Variants in FZD3 observed in about 807,000 individuals in gnomAD.
The protein encoded by FZD3 is frizzled-3.
In FZD3, 30 loss-of-function variants were observed where a neutral mutation model predicts 60.7. The ratio of observed to expected loss-of-function variants is 0.49; its 90% CI spans 0.37 to 0.67. The LOEUF (loss-of-function observed/expected upper bound fraction) is 0.67, where lower values mean the gene tolerates loss of function less well. FZD3 is among the 30% of genes least tolerant of loss of function. The pLI, the probability that FZD3 is intolerant of heterozygous loss-of-function variation, is 0.00. For synonymous variants in FZD3, 246 were observed against 275.2 expected, an observed-to-expected ratio of 0.89 and a Z score of 1.05; for missense variants, 605 against 838.7, an observed-to-expected ratio of 0.72 and a Z score of 3.44.
chr8:28,543,178 T>A (rs1014742554), intron 5 of FZD3, among the ~76,000 whole-genome samples: 1 of 152,258 alleles, frequency 6.6e-6, no homozygotes, highest in South Asian at 2.1e-4. Context: ...CTTTATCTTT[T>A]TTCATTACAA....
At chr8:28,562,771 C>T in intron 7 of FZD3, 27 bp from the exon 8 acceptor site, 2 of 1,305,258 alleles carry the variant, frequency 1.5e-6, no homozygotes, top group Non-Finnish European at 2.2e-6. Flanking sequence ...GTTCTGTTAC[C>T]CACTTCAAAA....
At position 28,563,189 on chromosome 8, in the gene FZD3, G is replaced by T; in HGVS notation, c.*178G>T. On this transcript the variant is annotated 3_prime_UTR_variant, in exon 8 of 8. Transcript: ENST00000240093. The stretch of plus-strand genomic sequence containing the variant: ...ATTGCATCAAACTTGGAACATCAAG[G>T]CATCCAAAACACTAAGAATTCTATC... 1 of 578,892 alleles carries T rather than the reference G, an allele frequency of 1.7e-6. No homozygotes were observed. The highest frequency in any genetic ancestry group is 1.9e-5 in the African/African-American group (1 of 53,506). The allele number at this position is 578,892 out of a possible 1,614,324, so 35.9% of individuals were successfully genotyped here.
At chr8:28,550,481 C>CTTTTTTTTTTTTTTTT (rs386412443) in intron 5 of FZD3, among the ~76,000 whole-genome samples, 30 of 34,346 alleles carry the variant, frequency 8.7e-4, no homozygotes, top group East Asian at 1.2e-3. Context: ...CTTCTTTTAT[C>CTTTTTTTTTTTTTTTT]TTTTTTTTTT....
At chr8:28,498,283 C>G (rs567378600) in intron 1 of FZD3, among the ~76,000 whole-genome samples, 28 of 152,196 alleles carry the variant, frequency 1.8e-4, no homozygotes, top group Non-Finnish European at 2.6e-4. Flanking sequence ...TAGGTCCCCC[C>G]CCTTTTTTTT....
chr8:28,531,174 G>A (rs1563394928), intron 5 of FZD3, among the ~76,000 whole-genome samples: 1 of 150,166 alleles, frequency 6.7e-6, no homozygotes, highest in South Asian at 2.1e-4. Flanking sequence ...TCATAAATAC[G>A]GTATTTTTCA....
chr8:28,551,563 T>C, intron 5 of FZD3, 40 bp from the exon 6 acceptor site: 1 of 1,441,932 alleles, frequency 6.9e-7, no homozygotes, highest in South Asian at 1.2e-5. Context: ...TAGAAAGTTA[T>C]TTTTATATAT....
intron 5 of FZD3, among the ~76,000 whole-genome samples, chr8:28,531,285 AT>A (rs1223581275): frequency 2.0e-5 from 3 of 152,264 alleles, no homozygotes; most frequent in African/African-American, 4.8e-5. Flanking sequence ...TCTGTAGCTC[AT>A]TTTTTAACTC....
At chr8:28,528,971 G>C (rs1356671156) in intron 5 of FZD3, among the ~76,000 whole-genome samples, 4 of 152,092 alleles carry the variant, frequency 2.6e-5, no homozygotes, top group African/African-American at 9.7e-5. Context: ...CTAGAATGCA[G>C]TGGCATGATC....
At chr8:28,541,719 A>G (rs151128102) in intron 5 of FZD3, among the ~76,000 whole-genome samples, 27 of 152,322 alleles carry the variant, frequency 1.8e-4, no homozygotes, top group African/African-American at 5.1e-4. Flanking sequence ...CAAACTTAGT[A>G]TGTCTAAAAC....
chr8:28,545,609 A>G (rs907203215), intron 5 of FZD3, among the ~76,000 whole-genome samples: 2 of 152,244 alleles, frequency 1.3e-5, no homozygotes, highest in Non-Finnish European at 2.9e-5. Flanking sequence ...ACTAACATCC[A>G]GATGATTCCA....
In FZD3 at chr8:28,572,208, G is replaced by C. The variant is rs946851034; in HGVS notation, c.*9197G>C. 14 of 152,098 alleles carry C rather than the reference G, an allele frequency of 9.2e-5. No individual in the cohort carries two copies. Among genetic ancestry groups the C allele is most frequent in the Non-Finnish European group, 1.9e-4 (13 of 68,018 alleles). The allele number at this position is 152,098 out of a possible 1,614,324, so 9.4% of individuals were successfully genotyped here. A position where few individuals can be genotyped will look rare whatever the true frequency, so the allele number is the denominator to read the frequency against. On this transcript the variant is annotated 3_prime_UTR_variant, in exon 8 of 8. Transcript: ENST00000240093. The stretch of plus-strand genomic sequence containing the variant: ...TACATGGTCGTAGTTGGATAATACA[G>C]CATTATTCTGAACTATCTGAAATTG...
At chr8:28,494,593 T>G (rs1466378093) in intron 1 of FZD3, among the ~76,000 whole-genome samples, 1 of 151,738 alleles carries the variant, frequency 6.6e-6, no homozygotes, top group Non-Finnish European at 1.5e-5. Context: ...GCTGGGGGCC[T>G]CGGGGACGCC....
chr8:28,503,195 C>A lies in FZD3; in HGVS notation c.182C>A (p.Ala61Glu). 3 of 1,606,330 alleles carry A rather than the reference C, an allele frequency of 1.9e-6. No individual in the cohort carries two copies. The highest frequency in any genetic ancestry group is 2.6e-6 in the Non-Finnish European group (3 of 1,173,262). ...TATGACCAACAGACAGCAGCTTTGG[C>A]AATGGAGGTAAGACTTGATCTATTC... Reference protein sequence around the residue: ...NHYDQQTAALAMEPFHPMVNL... With the variant: ...NHYDQQTAALEMEPFHPMVNL... The change falls in exon 3 of 8, where the codon GCA becomes GAA. Residue 61 changes from alanine to glutamate, a missense_variant. Ala to Glu is a moderately radical substitution (Grantham distance 107). Coordinates refer to ENST00000240093, the MANE Select transcript of FZD3 (RefSeq NM_017412.4).
At chr8:28,497,575 G>C (rs1018559558) in intron 1 of FZD3, among the ~76,000 whole-genome samples, 1 of 152,198 alleles carries the variant, frequency 6.6e-6, no homozygotes, top group African/African-American at 2.4e-5. Context: ...TGTGTAACCA[G>C]CATTTACTTT....
Position 28,502,941 on chromosome 8 carries a change from T to A in FZD3, c.-73T>A. 1 of 933,782 alleles carries A rather than the reference T, an allele frequency of 1.1e-6. No individual in the cohort carries two copies. The highest frequency in any genetic ancestry group is 1.7e-6 in the Non-Finnish European group (1 of 604,988). 57.8% of individuals were successfully genotyped at this position (933,782 alleles called of 1,614,324 possible). A position where few individuals can be genotyped will look rare whatever the true frequency, so the allele number is the denominator to read the frequency against. ...GAAGAAGTACCTTCGAGCTGAGACCTGCAGGTGTATAAATATCTAAAATAC... is the reference window on the plus strand; with the variant it reads ...GAAGAAGTACCTTCGAGCTGAGACCAGCAGGTGTATAAATATCTAAAATAC... On this transcript the variant is annotated 5_prime_UTR_variant, in exon 3 of 8. Transcript: ENST00000240093.
chr8:28,500,080 T>C (rs75133011), intron 2 of FZD3, 102 bp downstream of exon 2: 1 of 152,104 alleles, frequency 6.6e-6, no homozygotes, highest in Non-Finnish European at 1.5e-5. Context: ...TTGGGGGAAA[T>C]GAAAATTCTT....
intron 7 of FZD3, 45 bp downstream of exon 7, chr8:28,556,016 G>T (rs146429576): frequency 1.6e-4 from 202 of 1,228,306 alleles, no homozygotes; most frequent in Non-Finnish European, 2.3e-4. Flanking sequence ...GCTGAATTAT[G>T]ACCATACAGC....
intron 3 of FZD3, among the ~76,000 whole-genome samples, chr8:28,507,789 A>ATT (rs71222555): frequency 6.8e-6 from 1 of 146,920 alleles, no homozygotes; most frequent in East Asian, 2.0e-4. Flanking sequence ...GAACTCAAGG[A>ATT]TTTTTTTTTT....
intron 3 of FZD3, among the ~76,000 whole-genome samples, chr8:28,509,079 C>G (rs927633511): frequency 1.8e-4 from 28 of 152,050 alleles, no homozygotes; most frequent in African/African-American, 5.8e-4. Context: ...TGTTTTAAGT[C>G]ACTGAAATAT....
Sources: gnomAD v4.1 joint callset for allele counts (sites outside exome capture counted in the v4.1 genomes callset) on GRCh38, gnomAD v4.1.1 for gene constraint, MANE v1.5 for transcripts, NCBI Gene and HGNC (gene_info 2026-07-23, HGNC 2026-07-21) for gene names.